RANBP2: variants seen among roughly 807,000 people sequenced by gnomAD.
The protein encoded by RANBP2 is E3 SUMO-protein ligase RanBP2.
Under a neutral mutation model 303.6 loss-of-function variants are expected in RANBP2, and 57 were observed. The ratio of observed to expected loss-of-function variants is 0.19; its 90% CI spans 0.15 to 0.23. The LOEUF is 0.23. RANBP2 is among the 10% of genes least tolerant of loss of function. The probability of loss-of-function intolerance (pLI) is 1.00; values close to 1 mark genes in which losing one functional copy is unlikely to be tolerated. For missense variants in RANBP2, 3,138 were observed against 3,780.8 expected, an observed-to-expected ratio of 0.83 and a Z score of 4.46; for synonymous variants, 1,167 against 1,301.5, an observed-to-expected ratio of 0.90 and a Z score of 2.23.
At chr2:109,391,601 G>A in the RANBP2 span, among the ~76,000 whole-genome samples, 15 of 152,328 alleles carry the variant, frequency 9.8e-5, no homozygotes, top group African/African-American at 3.6e-4. Flanking sequence ...GCTTGTGGCC[G>A]GGCAGGGAGC....
intron 13 of RANBP2, 59 bp from the exon 14 acceptor site, chr2:108,753,367 A>G (rs1211922748): frequency 6.2e-7 from 1 of 1,601,628 alleles, no homozygotes; most frequent in East Asian, 2.2e-5. Context: ...TTGGAAAATC[A>G]TTTGGGTTTT....
downstream of RANBP2, among the ~76,000 whole-genome samples, chr2:108,789,235 A>G (rs1348904049): frequency 2.0e-5 from 3 of 152,202 alleles, no homozygotes; most frequent in Non-Finnish European, 4.4e-5. Flanking sequence ...ATATATTTTT[A>G]TGGTTATTCA....
the RANBP2 span, among the ~76,000 whole-genome samples, chr2:108,973,209 A>G: frequency 6.6e-6 from 1 of 152,272 alleles, no homozygotes; most frequent in South Asian, 2.1e-4. Context: ...GCTGGTGTTG[A>G]ACTCCTGACA....
chr2:109,008,243 G>T, the RANBP2 span, among the ~76,000 whole-genome samples: 1 of 152,158 alleles, frequency 6.6e-6, no homozygotes, highest in Non-Finnish European at 1.5e-5. Flanking sequence ...GCTCCTTGAG[G>T]TCAGGATAGA....
chr2:109,558,299 G>A, the RANBP2 span, among the ~76,000 whole-genome samples: 1 of 152,214 alleles, frequency 6.6e-6, no homozygotes, highest in South Asian at 2.1e-4. Context: ...ACTACCTGAA[G>A]AACTATTTAG....
the RANBP2 span, chr2:109,564,132 C>T: frequency 7.8e-6 from 3 of 383,230 alleles, no homozygotes; most frequent in Non-Finnish European, 1.4e-5. Context: ...GCCATACATT[C>T]TTCATCATAT....
the RANBP2 span, among the ~76,000 whole-genome samples, chr2:109,650,979 G>A: frequency 6.6e-6 from 1 of 152,188 alleles, no homozygotes; most frequent in African/African-American, 2.4e-5. Context: ...GTGGTGCAGG[G>A]CAGAGAGTGG....
At chr2:108,845,796 C>T in the RANBP2 span, among the ~76,000 whole-genome samples, 18 of 152,206 alleles carry the variant, frequency 1.2e-4, no homozygotes, top group Non-Finnish European at 2.2e-4. Context: ...TGGTCTCGAT[C>T]TCCTGACCTC....
At chr2:108,851,291 G>GT in the RANBP2 span, among the ~76,000 whole-genome samples, 1 of 151,956 alleles carries the variant, frequency 6.6e-6, no homozygotes, top group Non-Finnish European at 1.5e-5. Flanking sequence ...GGGGTGTTTT[G>GT]TTTTTTGTTG....
the RANBP2 span, among the ~76,000 whole-genome samples, chr2:108,853,902 ATATAT>A: frequency 8.1e-6 from 1 of 122,880 alleles, no homozygotes; most frequent in Admixed American, 1.0e-4. Context: ...TATATATATT[ATATAT>A]TATATAGTAT....
At chr2:108,854,010 AATATATAATAAATTTATATTATATATAAT>A in the RANBP2 span, among the ~76,000 whole-genome samples, 2 of 99,442 alleles carry the variant, frequency 2.0e-5, no homozygotes, top group Admixed American at 1.4e-4. Flanking sequence ...TATTATATAT[AATATATAATAAATTTATATTATATATAAT>A]ATATAATAAA....
the RANBP2 span, among the ~76,000 whole-genome samples, chr2:108,955,970 A>G: frequency 1.3e-5 from 2 of 152,208 alleles, no homozygotes; most frequent in Non-Finnish European, 2.9e-5. Context: ...TGGAGCTTGC[A>G]GTGAGCCGAG....
chr2:109,564,656 T>A, the RANBP2 span: 2 of 828,546 alleles, frequency 2.4e-6, no homozygotes, highest in Non-Finnish European at 3.4e-6. Flanking sequence ...AATGATCAGT[T>A]TGATTAACAG....
chr2:109,725,568 G>A, the RANBP2 span, among the ~76,000 whole-genome samples: 3 of 152,080 alleles, frequency 2.0e-5, no homozygotes, highest in Non-Finnish European at 4.4e-5. Context: ...ATTTTTAACT[G>A]GGACCATGTT....
At chr2:108,887,246 GT>G in the RANBP2 span, among the ~76,000 whole-genome samples, 1 of 152,102 alleles carries the variant, frequency 6.6e-6, no homozygotes, top group East Asian at 1.9e-4. Context: ...CTACGTGTCC[GT>G]TTTTATAACA....
the RANBP2 span, among the ~76,000 whole-genome samples, chr2:109,673,091 G>A: frequency 6.6e-6 from 1 of 152,148 alleles, no homozygotes; most frequent in Non-Finnish European, 1.5e-5. Flanking sequence ...TGAAATCCAG[G>A]TTCTAAGCTC....
the RANBP2 span, among the ~76,000 whole-genome samples, chr2:109,070,309 G>A: frequency 1.2e-4 from 19 of 152,344 alleles, no homozygotes; most frequent in Middle Eastern, 3.4e-3. Context: ...ATTTTAAGTA[G>A]AGAAATGGGA....
At chr2:109,353,987 C>T in the RANBP2 span, among the ~76,000 whole-genome samples, 1 of 152,122 alleles carries the variant, frequency 6.6e-6, no homozygotes, top group Non-Finnish European at 1.5e-5. Flanking sequence ...CAGAGCCCCC[C>T]GAAGTCTCAG....
the RANBP2 span, chr2:109,614,730 A>C: frequency 2.7e-6 from 4 of 1,489,956 alleles, no homozygotes; most frequent in Non-Finnish European, 3.6e-6. Context: ...GCACCTCAAG[A>C]AGAGGTTCTG....
Sources: allele counts gnomAD v4.1 joint callset (sites outside exome capture counted in the v4.1 genomes callset), GRCh38; gene constraint gnomAD v4.1.1; transcripts MANE v1.5; gene names NCBI Gene and HGNC (gene_info 2026-07-23, HGNC 2026-07-21).